The following SBF2 variants were observed in gnomAD, a reference collection of about 807,000 sequenced individuals.
SBF2 encodes SET binding factor 2, also known as myotubularin-related protein 13.
In SBF2, 112 loss-of-function variants were observed where a neutral mutation model predicts 225.2. That is an observed-to-expected ratio of 0.50 (90% CI 0.43 to 0.58). SBF2 has a LOEUF of 0.58. Ranked by LOEUF, SBF2 falls within the 20% of genes least tolerant of loss-of-function variation. The pLI, the probability that SBF2 is intolerant of heterozygous loss-of-function variation, is 0.00. For synonymous variants in SBF2, 763 were observed against 773.3 expected (o/e 0.99, Z 0.22); for missense variants, 1,996 against 2,206.2 (o/e 0.90, Z 1.91).
intron 13 of SBF2, among the ~76,000 whole-genome samples, chr11:9,984,668 A>G (rs1039841537): frequency 6.6e-6 from 1 of 152,230 alleles, no homozygotes; most frequent in African/African-American, 2.4e-5. Context: ...GAATCTTAAG[A>G]GCTATGAGAC....
At chr11:10,034,364 C>T (rs373964482) in intron 3 of SBF2, among the ~76,000 whole-genome samples, 118 of 152,296 alleles carry the variant, frequency 7.7e-4, no homozygotes, top group African/African-American at 2.7e-3. Flanking sequence ...CCTAAAAGTG[C>T]TACTGCTCTT....
intron 2 of SBF2, among the ~76,000 whole-genome samples, chr11:10,096,848 C>T (rs1216181671): frequency 1.3e-5 from 2 of 151,994 alleles, no homozygotes; most frequent in Non-Finnish European, 2.9e-5. Flanking sequence ...AATTATAGTG[C>T]TAATCATTCA....
intron 16 of SBF2, chr11:9,959,495 G>C (rs751764747): frequency 1.2e-6 from 1 of 841,976 alleles, no homozygotes; most frequent in East Asian, 2.4e-5. Flanking sequence ...GCAGGCTTTC[G>C]ATTGCACTTG....
chr11:10,292,543 T>G (rs1034311980), intron 1 of SBF2, among the ~76,000 whole-genome samples: 1 of 151,858 alleles, frequency 6.6e-6, no homozygotes, highest in African/African-American at 2.4e-5. Context: ...AGCGGGCGTG[T>G]TGGCGGGCGC....
chr11:9,787,359 C>T (rs547672694), intron 36 of SBF2, among the ~76,000 whole-genome samples: 4 of 152,284 alleles, frequency 2.6e-5, no homozygotes, highest in Admixed American at 1.3e-4. Context: ...TGAAACCACA[C>T]GGGCACTGAG....
intron 13 of SBF2, among the ~76,000 whole-genome samples, chr11:9,985,533 G>A (rs1289088950): frequency 6.6e-6 from 1 of 152,090 alleles, no homozygotes; most frequent in Non-Finnish European, 1.5e-5. Context: ...ATGTTGGCAA[G>A]GCTGGTCTCA....
intron 1 of SBF2, among the ~76,000 whole-genome samples, chr11:10,206,662 C>G (rs1957760991): frequency 6.6e-6 from 1 of 151,970 alleles, no homozygotes; most frequent in Non-Finnish European, 1.5e-5. Context: ...ATAAATCAAA[C>G]AGAAATTATA....
intron 2 of SBF2, among the ~76,000 whole-genome samples, chr11:10,071,153 T>A (rs978295877): frequency 2.6e-5 from 4 of 152,134 alleles, no homozygotes; most frequent in Non-Finnish European, 5.9e-5. Flanking sequence ...ACCCTTTATT[T>A]CTTTCTCTTG....
intron 2 of SBF2, among the ~76,000 whole-genome samples, chr11:10,115,130 T>C (rs1953070347): frequency 6.6e-6 from 1 of 152,258 alleles, no homozygotes; most frequent in Non-Finnish European, 1.5e-5. Context: ...GACTACATCA[T>C]TGTTAATGAA....
chr11:10,184,240 T>C (rs1956845954), intron 2 of SBF2, among the ~76,000 whole-genome samples: 1 of 152,228 alleles, frequency 6.6e-6, no homozygotes, highest in East Asian at 1.9e-4. Context: ...GCTTCTAGAC[T>C]GTACCATGGA....
intron 16 of SBF2, among the ~76,000 whole-genome samples, chr11:9,951,558 G>A (rs1167526159): frequency 6.6e-6 from 1 of 152,172 alleles, no homozygotes; most frequent in Non-Finnish European, 1.5e-5. Flanking sequence ...AGAGGCAAAT[G>A]AAAATACCAG....
intron 16 of SBF2, among the ~76,000 whole-genome samples, chr11:9,949,625 C>T (rs932080685): frequency 4.6e-5 from 7 of 152,004 alleles, no homozygotes; most frequent in Non-Finnish European, 7.4e-5. Flanking sequence ...TATATTATGA[C>T]GCTTTACTTT....
chr11:10,100,014 A>G (rs1333870233), intron 2 of SBF2, among the ~76,000 whole-genome samples: 1 of 152,202 alleles, frequency 6.6e-6, no homozygotes, highest in Non-Finnish European at 1.5e-5. Context: ...AATTACTTTA[A>G]ATTGCAAATG....
At chr11:10,063,344 ATTTT>A (rs56370013) in intron 2 of SBF2, among the ~76,000 whole-genome samples, 1 of 118,824 alleles carries the variant, frequency 8.4e-6, no homozygotes, top group East Asian at 2.3e-4. Flanking sequence ...ATATATATAT[ATTTT>A]TTTAATTTTT....
At position 9,968,395 on chromosome 11, in the gene SBF2, G is replaced by T; in HGVS notation, c.1546C>A (p.Pro516Thr). 6.2e-7 allele frequency: 1 copy of T among 1,614,130 alleles called. No homozygotes were observed. The change falls in exon 14 of 40, where the codon CCT (proline) becomes ACT (threonine). Residue 516 changes from proline to threonine, a missense_variant. Coordinates refer to ENST00000256190, the MANE Select transcript of SBF2 (RefSeq NM_030962.4). ...TTCTTTTCTATTCGTGTGGCAGGAG[G>T]TGCATTCTGGTTCTTAGCAACATTT... ...QENVAKNQNA[P>T]PATRIEKKCV...
rs77438795 is a variant in SBF2 at position 10,030,240 on chromosome 11, T to A, written c.403-365A>T. 2.2e-4 allele frequency among the ~76,000 whole-genome samples: 34 copies of A among 152,348 alleles called. No homozygotes were observed. In the East Asian group the frequency reaches 6.0e-3, roughly 27 times the overall value. On this transcript the variant is annotated intron_variant, in intron 4 of 39. Transcript: ENST00000256190. ...GAAATTTTATCTTGTTTGGTGGTTC[T>A]TATAAATCCGGAATGCTTATTCTAC...
chr11:10,208,625 C>A (rs1283049708), intron 1 of SBF2, among the ~76,000 whole-genome samples: 3 of 151,998 alleles, frequency 2.0e-5, no homozygotes, highest in African/African-American at 7.2e-5. Context: ...TGTTTTTTGG[C>A]AATTTCTGCA....
intron 3 of SBF2, among the ~76,000 whole-genome samples, chr11:10,038,909 C>A (rs1448959783): frequency 6.6e-6 from 1 of 151,566 alleles, no homozygotes; most frequent in Non-Finnish European, 1.5e-5. Flanking sequence ...TTAAGATAAT[C>A]AAATGATTAT....
chr11:10,278,001 C>T (rs1363659403), intron 1 of SBF2, among the ~76,000 whole-genome samples: 1 of 152,128 alleles, frequency 6.6e-6, no homozygotes, highest in African/African-American at 2.4e-5. Flanking sequence ...TAACTAAGCA[C>T]TATTGTTTAA....
Sources: allele counts gnomAD v4.1 joint callset (sites outside exome capture counted in the v4.1 genomes callset), GRCh38; gene constraint gnomAD v4.1.1; transcripts MANE v1.5; gene names NCBI Gene and HGNC (gene_info 2026-07-23, HGNC 2026-07-21).